The following STK32B variants were observed in gnomAD, a reference collection of about 807,000 sequenced individuals.
STK32B encodes the protein serine/threonine kinase 32B.
In STK32B, 43 loss-of-function variants were observed where a neutral mutation model predicts 52.6. That is an observed-to-expected ratio of 0.82 (90% CI 0.64 to 1.05). The LOEUF is 1.05. Ranked by LOEUF, STK32B falls within the 50% of genes least tolerant of loss-of-function variation. STK32B has a pLI of 0.00. For synonymous variants in STK32B, 238 were observed against 204.3 expected (o/e 1.17, Z -1.41); for missense variants, 621 against 534.6 (o/e 1.16, Z -1.59).
intron 3 of STK32B, among the ~76,000 whole-genome samples, chr4:5,288,542 A>G (rs76106174): frequency 0.1 from 15,889 of 152,044 alleles, 1,819 homozygotes; most frequent in African/African-American, 0.29. Flanking sequence ...TTTTGATTGG[A>G]AAAATGTCTT....
Position 5,399,246 on chromosome 4 carries a change from A to G in STK32B, c.472+1002A>G, listed in dbSNP as rs1456256099. Among the ~76,000 whole-genome samples, 2 of 151,250 alleles carry G rather than the reference A, an allele frequency of 1.3e-5. No individual in the cohort carries two copies. Among genetic ancestry groups the G allele is most frequent in the African/African-American group, 4.8e-5 (2 of 41,374 alleles). On this transcript the variant is annotated intron_variant, in intron 5 of 11. Transcript: ENST00000282908. This position sits in a 1 kb window ranked among gnomAD's most constrained non-coding sequence, Gnocchi z 5.4. Reference sequence around the variant, plus strand: ...GAATTCTTCTGAAGTAGGGATTCTCATCCCTGCTGAGGCCTTCAGGGATGA... The same window carrying G: ...GAATTCTTCTGAAGTAGGGATTCTCGTCCCTGCTGAGGCCTTCAGGGATGA...
chr4:5,362,764 A>G (rs954966866), intron 4 of STK32B, among the ~76,000 whole-genome samples: 7 of 152,206 alleles, frequency 4.6e-5, no homozygotes, highest in African/African-American at 7.2e-5. Context: ...ATCCTCCCCA[A>G]TTTCCACTCT....
intron 3 of STK32B, among the ~76,000 whole-genome samples, chr4:5,288,541 G>A (rs1728691418): frequency 6.6e-6 from 1 of 151,938 alleles, no homozygotes; most frequent in African/African-American, 2.4e-5. Flanking sequence ...ATTTTGATTG[G>A]AAAAATGTCT....
intron 4 of STK32B, among the ~76,000 whole-genome samples, chr4:5,348,944 C>T (rs572721882): frequency 6.6e-6 from 1 of 152,348 alleles, no homozygotes; most frequent in Non-Finnish European, 1.5e-5. Context: ...ACCATCACAG[C>T]AGGTACCCAC....
intron 5 of STK32B, among the ~76,000 whole-genome samples, chr4:5,406,279 G>A (rs114866486): frequency 0.02 from 3,070 of 152,296 alleles, 107 homozygotes; most frequent in African/African-American, 0.069. Context: ...TGCTCTGCAT[G>A]GTACAGCCCC....
intron 2 of STK32B, among the ~76,000 whole-genome samples, chr4:5,153,626 C>T (rs1028701451): frequency 2.0e-5 from 3 of 152,034 alleles, no homozygotes; most frequent in African/African-American, 7.2e-5. Context: ...AAATGCTTTT[C>T]CAAAGTAGAA....
intron 1 of STK32B, among the ~76,000 whole-genome samples, chr4:5,129,974 C>T (rs1368901725): frequency 6.6e-6 from 1 of 152,132 alleles, no homozygotes; most frequent in Admixed American, 6.5e-5. Flanking sequence ...ACAGGCAAAA[C>T]TCAGTCCTCA....
intron 11 of STK32B, among the ~76,000 whole-genome samples, chr4:5,479,615 G>A (rs1438946539): frequency 6.6e-6 from 1 of 152,182 alleles, no homozygotes; most frequent in Non-Finnish European, 1.5e-5. Flanking sequence ...ATTCCCAGAT[G>A]GGATGGGCTG....
chr4:5,140,642 A>T (rs967748635), intron 2 of STK32B, among the ~76,000 whole-genome samples: 3 of 152,218 alleles, frequency 2.0e-5, no homozygotes, highest in African/African-American at 7.2e-5. Flanking sequence ...TTTGAGCTGA[A>T]GGCTGACCAG....
At chr4:5,446,844 G>T (rs1715497191) in intron 7 of STK32B, 68 bp downstream of exon 7, 17 of 1,508,882 alleles carry the variant, frequency 1.1e-5, no homozygotes, top group Non-Finnish European at 1.6e-5. Flanking sequence ...TACCTGGACG[G>T]GCAGAGTCGG....
chr4:5,500,613 TAGATTTCTTAAA>T lies in STK32B; in HGVS notation c.*1534_*1545del, dbSNP rs1720649898. 6.6e-6 allele frequency: 1 copy of T among 152,248 alleles called. No individual in the cohort carries two copies. The highest frequency in any genetic ancestry group is 2.1e-4 in the South Asian group (1 of 4,830). 9.4% of individuals were successfully genotyped at this position (152,248 alleles called of 1,614,324 possible). ...CCTTGGGGCTGTCCATGTCATCTCT[TAGATTTCTTAAA>T]AGACATTTTAATGTATGGTTAGGTT... is the stretch of plus-strand genomic sequence containing the variant. On this transcript the variant is annotated 3_prime_UTR_variant, in exon 12 of 12. Coordinates refer to ENST00000282908, the MANE Select transcript of STK32B (RefSeq NM_018401.3).
intron 1 of STK32B, among the ~76,000 whole-genome samples, chr4:5,115,014 G>T (rs1714640302): frequency 6.6e-6 from 1 of 152,154 alleles, no homozygotes. Flanking sequence ...TCGACATGGG[G>T]GAGGGCCCCT....
intron 3 of STK32B, among the ~76,000 whole-genome samples, chr4:5,229,533 G>A (rs1724108106): frequency 1.3e-5 from 2 of 152,160 alleles, no homozygotes; most frequent in Non-Finnish European, 2.9e-5. Flanking sequence ...TGATATGTCA[G>A]TTTCACCTTT....
intron 6 of STK32B, chr4:5,437,941 T>TG (rs1033595964): frequency 1.0e-6 from 1 of 985,306 alleles, no homozygotes; most frequent in Admixed American, 6.2e-5. Flanking sequence ...TCCAAGTGTG[T>TG]GGGGGAGGAG....
At chr4:5,202,626 C>T (rs1722244155) in intron 3 of STK32B, among the ~76,000 whole-genome samples, 1 of 152,224 alleles carries the variant, frequency 6.6e-6, no homozygotes, top group Non-Finnish European at 1.5e-5. Flanking sequence ...CCAGGCATTT[C>T]CATACATCCT....
chr4:5,462,144 T>C (rs1717074646), intron 9 of STK32B, among the ~76,000 whole-genome samples: 1 of 152,014 alleles, frequency 6.6e-6, no homozygotes, highest in East Asian at 1.9e-4. Context: ...AGTGCATTTG[T>C]GTGTACCCAT....
rs191066681 is a variant in STK32B, at chr4:5,269,578, G to A, written c.261-61642G>A. Among the ~76,000 whole-genome samples, 193 of 152,222 alleles carry A rather than the reference G, an allele frequency of 1.3e-3. No individual in the cohort carries two copies. The Middle Eastern group carries it at 0.02, about 16-fold the overall frequency. ...TTTGTTAGAATTAGCAGACAAGGGCGGTTAAGTGGTTATTATAACTGTATT... is the reference window on the plus strand; with the variant it reads ...TTTGTTAGAATTAGCAGACAAGGGCAGTTAAGTGGTTATTATAACTGTATT... On this transcript the variant is annotated intron_variant, in intron 3 of 11. Coordinates refer to ENST00000282908, the MANE Select transcript of STK32B (RefSeq NM_018401.3).
the STK32B span, among the ~76,000 whole-genome samples, chr4:5,031,549 T>C: frequency 3.3e-5 from 5 of 151,646 alleles, no homozygotes; most frequent in Non-Finnish European, 7.4e-5. Context: ...GAGTGAGCAG[T>C]GATCACATCA....
intron 3 of STK32B, among the ~76,000 whole-genome samples, chr4:5,183,334 G>C (rs967312773): frequency 3.3e-5 from 5 of 152,042 alleles, no homozygotes; most frequent in Non-Finnish European, 4.4e-5. Context: ...AAAATTAGCT[G>C]GGCGTGGTCG....
Sources: allele counts gnomAD v4.1 joint callset (sites outside exome capture counted in the v4.1 genomes callset), GRCh38; gene constraint gnomAD v4.1.1; non-coding constraint Gnocchi (gnomAD v3.1); transcripts MANE v1.5; gene names NCBI Gene and HGNC (gene_info 2026-07-23, HGNC 2026-07-21).